SLC35D1: variants seen among roughly 807,000 people sequenced by gnomAD.
The protein encoded by SLC35D1 is nucleotide sugar transporter SLC35D1.
SLC35D1 carries 31 observed loss-of-function variants against 46.7 expected under a neutral mutation model. The ratio of observed to expected loss-of-function variants is 0.66; its 90% CI spans 0.50 to 0.90. The LOEUF (loss-of-function observed/expected upper bound fraction) is 0.90. SLC35D1 is among the 40% of genes least tolerant of loss of function. SLC35D1 has a pLI of 0.00. For missense variants in SLC35D1, 397 were observed against 426.2 expected, an observed-to-expected ratio of 0.93 and a Z score of 0.60; for synonymous variants, 195 against 164.6, an observed-to-expected ratio of 1.18 and a Z score of -1.41.
chr1:67,019,962 AC>A (rs1277824485), intron 10 of SLC35D1, among the ~76,000 whole-genome samples: 3 of 151,374 alleles, frequency 2.0e-5, no homozygotes, highest in Non-Finnish European at 2.9e-5. Context: ...GCATAGGAAA[AC>A]CCCCCCAATT....
the SLC35D1 span, among the ~76,000 whole-genome samples, chr1:66,991,851 G>A: frequency 6.6e-6 from 1 of 151,448 alleles, no homozygotes; most frequent in Admixed American, 6.6e-5. Flanking sequence ...ATTCAGCCAC[G>A]TTTCAAGATT....
chr1:67,013,755 G>A (rs965581834), intron 10 of SLC35D1, among the ~76,000 whole-genome samples: 1 of 152,140 alleles, frequency 6.6e-6, no homozygotes, highest in East Asian at 1.9e-4. Flanking sequence ...GATGAGTGGT[G>A]AGTCATCACC....
chr1:67,027,938 A>C (rs983410731), intron 8 of SLC35D1, among the ~76,000 whole-genome samples: 4 of 151,598 alleles, frequency 2.6e-5, no homozygotes, highest in Non-Finnish European at 1.5e-5. Context: ...TGCCATGTTG[A>C]CCAGGTTGGT....
At chr1:66,992,832 C>G in the SLC35D1 span, among the ~76,000 whole-genome samples, 2 of 152,198 alleles carry the variant, frequency 1.3e-5, no homozygotes, top group African/African-American at 4.8e-5. Flanking sequence ...AGGCTGGTCA[C>G]AGAGAAAGAC....
chr1:66,976,518 T>A, the SLC35D1 span: 3 of 1,427,416 alleles, frequency 2.1e-6, no homozygotes, highest in East Asian at 2.4e-5. Flanking sequence ...CAAATTTATT[T>A]TCAAACTTCA....
rs147166130 is a variant in SLC35D1, at chr1:67,003,785, T to C, written c.*555A>G. 709 of 166,062 alleles carry C rather than the reference T, an allele frequency of 4.3e-3. 1 individual carries two copies. The highest frequency in any genetic ancestry group is 7.0e-3 in the Non-Finnish European group (529 of 75,972). 10.3% of individuals were successfully genotyped at this position (166,062 alleles called of 1,614,324 possible). A position where few individuals can be genotyped will look rare whatever the true frequency, so the allele number is the denominator to read the frequency against. ...TCAGGGAAGCCAACATAGATAGCAATACACTTCAAAGCCCCACATATTTTT... is the reference window on the plus strand; with the variant it reads ...TCAGGGAAGCCAACATAGATAGCAACACACTTCAAAGCCCCACATATTTTT... On this transcript the variant is annotated 3_prime_UTR_variant, in exon 12 of 12. Coordinates refer to ENST00000235345, the MANE Select transcript of SLC35D1 (RefSeq NM_015139.3).
the SLC35D1 span, among the ~76,000 whole-genome samples, chr1:66,974,771 A>C: frequency 2.0e-5 from 3 of 152,152 alleles, no homozygotes; most frequent in Non-Finnish European, 2.9e-5. Flanking sequence ...AATTCTTTAA[A>C]AGGGAGACGA....
At chr1:67,043,612 A>C (rs768494018) in intron 7 of SLC35D1, among the ~76,000 whole-genome samples, 5 of 152,164 alleles carry the variant, frequency 3.3e-5, no homozygotes, top group African/African-American at 9.7e-5. Flanking sequence ...AGACATGCAG[A>C]CTCAGGCCTA....
chr1:67,019,051 T>C (rs1176486670), intron 10 of SLC35D1, among the ~76,000 whole-genome samples: 1 of 152,184 alleles, frequency 6.6e-6, no homozygotes, highest in Non-Finnish European at 1.5e-5. Context: ...GAGAAACATA[T>C]ATCAAAAGGA....
intron 8 of SLC35D1, among the ~76,000 whole-genome samples, chr1:67,027,326 T>TA (rs959134496): frequency 7.9e-5 from 12 of 152,226 alleles, no homozygotes; most frequent in East Asian, 1.9e-4. Context: ...TAATCTTTTT[T>TA]AAAAAAAATC....
At chr1:66,996,407 T>A (rs1035881238), downstream of SLC35D1, among the ~76,000 whole-genome samples, 1 of 152,222 alleles carries the variant, frequency 6.6e-6, no homozygotes. Flanking sequence ...CCAAGTCTAT[T>A]ACAGACAGAC....
downstream of SLC35D1, among the ~76,000 whole-genome samples, chr1:66,997,864 A>G (rs545052725): frequency 4.3e-4 from 65 of 150,190 alleles, no homozygotes; most frequent in Admixed American, 2.5e-3. Context: ...TATATATCTA[A>G]GGGGGTTAAA....
intron 8 of SLC35D1, among the ~76,000 whole-genome samples, chr1:67,024,488 A>C (rs935532791): frequency 2.0e-5 from 3 of 152,136 alleles, no homozygotes; most frequent in Non-Finnish European, 4.4e-5. Flanking sequence ...AGCACCACAA[A>C]ACTGAGTAGC....
At chr1:67,044,778 C>T (rs1645233151) in intron 7 of SLC35D1, among the ~76,000 whole-genome samples, 1 of 152,202 alleles carries the variant, frequency 6.6e-6, no homozygotes, top group Non-Finnish European at 1.5e-5. Flanking sequence ...ATGACTCATA[C>T]TCAATGGACT....
At chr1:66,978,807 G>T in the SLC35D1 span, among the ~76,000 whole-genome samples, 2,610 of 152,222 alleles carry the variant, frequency 0.017, 31 homozygotes, top group East Asian at 0.032. Flanking sequence ...TGGCTTAGTT[G>T]GTCCTCTGTG....
the SLC35D1 span, chr1:66,972,982 G>C: frequency 6.3e-7 from 1 of 1,585,292 alleles, no homozygotes; most frequent in Non-Finnish European, 8.7e-7. Flanking sequence ...ATTTGATTCA[G>C]GCTAATAAAG....
chr1:67,034,751 T>C (rs1668088168), intron 8 of SLC35D1, among the ~76,000 whole-genome samples: 1 of 152,158 alleles, frequency 6.6e-6, no homozygotes, highest in Non-Finnish European at 1.5e-5. Flanking sequence ...GCATCCTTGT[T>C]GTGTTCTGAT....
chr1:66,981,191 T>A, the SLC35D1 span, among the ~76,000 whole-genome samples: 2 of 152,174 alleles, frequency 1.3e-5, no homozygotes, highest in African/African-American at 4.8e-5. Context: ...CACAGTTACG[T>A]AGTTCAGGAA....
intron 10 of SLC35D1, among the ~76,000 whole-genome samples, chr1:67,017,581 T>C (rs910942584): frequency 6.6e-6 from 1 of 152,140 alleles, no homozygotes; most frequent in Admixed American, 6.5e-5. Context: ...ACTCAGAAAG[T>C]TCACTTCAAT....
Sources: gnomAD v4.1 joint callset for allele counts (sites outside exome capture counted in the v4.1 genomes callset) on GRCh38, gnomAD v4.1.1 for gene constraint, MANE v1.5 for transcripts, NCBI Gene and HGNC (gene_info 2026-07-23, HGNC 2026-07-21) for gene names.